Variants in SLIT3 observed in about 807,000 individuals in gnomAD.
SLIT3 encodes slit homolog 3 protein.
Under a neutral mutation model 184.0 loss-of-function variants are expected in SLIT3, and 68 were observed. That is an observed-to-expected ratio of 0.37 (90% CI 0.30 to 0.45). The LOEUF (loss-of-function observed/expected upper bound fraction) is 0.45, where lower values mean the gene tolerates loss of function less well. SLIT3 is among the 20% of genes least tolerant of loss of function. The probability of loss-of-function intolerance (pLI) is 1.00; values close to 1 mark genes in which losing one functional copy is unlikely to be tolerated. For synonymous variants in SLIT3, 831 were observed against 828.6 expected (o/e 1.00, Z -0.05); for missense variants, 1,707 against 2,026.0 (o/e 0.84, Z 3.02).
chr5:168,994,478 T>C (rs1755441136), intron 4 of SLIT3, among the ~76,000 whole-genome samples: 1 of 151,966 alleles, frequency 6.6e-6, no homozygotes, highest in African/African-American at 2.4e-5. Context: ...CCCCTCTTAC[T>C]CCCAACCAAA....
At chr5:168,840,111 G>A (rs1173497462) in intron 6 of SLIT3, among the ~76,000 whole-genome samples, 2 of 152,200 alleles carry the variant, frequency 1.3e-5, no homozygotes, top group African/African-American at 2.4e-5. Flanking sequence ...ATAAATGGGA[G>A]TGAGAGCTTC....
chr5:168,830,311 C>T (rs1757838838), intron 6 of SLIT3, among the ~76,000 whole-genome samples: 1 of 152,132 alleles, frequency 6.6e-6, no homozygotes, highest in African/African-American at 2.4e-5. Flanking sequence ...AGTGAAACTC[C>T]CTTTACTGTT....
chr5:169,199,030 A>T (rs1191117316), intron 3 of SLIT3, among the ~76,000 whole-genome samples: 1 of 151,652 alleles, frequency 6.6e-6, no homozygotes, highest in Non-Finnish European at 1.5e-5. Context: ...ACACACACAC[A>T]TACATACATA....
At chr5:168,798,214 C>CTTTTT (rs1561938769) in intron 9 of SLIT3, among the ~76,000 whole-genome samples, 5 of 84,652 alleles carry the variant, frequency 5.9e-5, no homozygotes, top group Non-Finnish European at 1.1e-4. Flanking sequence ...TTCTTTTCTT[C>CTTTTT]TTCTTCTTCT....
At chr5:168,988,166 G>A in intron 4 of SLIT3, among the ~76,000 whole-genome samples, 1 of 152,232 alleles carries the variant, frequency 6.6e-6, no homozygotes, top group South Asian at 2.1e-4. Flanking sequence ...CATTTTGTCT[G>A]AGACTTTCTG....
chr5:169,099,258 C>T (rs1759914735), intron 4 of SLIT3, among the ~76,000 whole-genome samples: 1 of 152,126 alleles, frequency 6.6e-6, no homozygotes, highest in African/African-American at 2.4e-5. Flanking sequence ...GATTTGCAGG[C>T]ACAGAAGCCC....
intron 4 of SLIT3, among the ~76,000 whole-genome samples, chr5:168,979,637 TG>T (rs1754883791): frequency 6.6e-6 from 1 of 152,138 alleles, no homozygotes; most frequent in Non-Finnish European, 1.5e-5. Context: ...GCCTGGAGAA[TG>T]GGGTGTGTGT....
chr5:168,870,331 C>G (rs1759470208), intron 5 of SLIT3, among the ~76,000 whole-genome samples: 1 of 152,236 alleles, frequency 6.6e-6, no homozygotes, highest in Admixed American at 6.5e-5. Flanking sequence ...GCCAGTTAAA[C>G]TTTGCCCTGC....
intron 4 of SLIT3, among the ~76,000 whole-genome samples, chr5:168,893,678 C>A (rs1006565702): frequency 1.3e-5 from 2 of 152,054 alleles, no homozygotes; most frequent in African/African-American, 4.8e-5. Context: ...CATTCCCATG[C>A]CAAAAAGCTT....
rs1295227391 is a variant in SLIT3, at chr5:168,664,775, G to A, written c.*1679C>T. On this transcript the variant is annotated 3_prime_UTR_variant, in exon 36 of 36. Transcript: ENST00000519560. Reference sequence around the variant, plus strand: ...TGAACAGCTGAGCCCTGGAAGATATGTGGCTAACCTGATGGGGTGGAAGGG... The same window carrying A: ...TGAACAGCTGAGCCCTGGAAGATATATGGCTAACCTGATGGGGTGGAAGGG... 1 of 152,270 alleles carries A rather than the reference G, an allele frequency of 6.6e-6. No homozygotes were observed. Among genetic ancestry groups the A allele is most frequent in the Admixed American group, 6.5e-5 (1 of 15,268 alleles). The allele number at this position is 152,270 out of a possible 1,614,324, so 9.4% of individuals were successfully genotyped here. A position where few individuals can be genotyped will look rare whatever the true frequency, so the allele number is the denominator to read the frequency against.
chr5:168,896,685 G>A (rs528422642), intron 4 of SLIT3, among the ~76,000 whole-genome samples: 19 of 152,328 alleles, frequency 1.2e-4, no homozygotes, highest in African/African-American at 4.1e-4. Flanking sequence ...CAGCCCCTAC[G>A]AGGCTGGTTG....
In SLIT3 at chr5:168,753,923, C is replaced by T. The variant is rs1335307345; in HGVS notation, c.1770G>A (p.Gly590=). Residue 590 remains glycine (G), a synonymous_variant, in exon 17 of 36, where the codon GGG becomes GGA. Transcript: ENST00000519560. ...GCCCGTGCACGGTCTCCAGCTGGTTCCCTGTCAGCATCAGCTCCTGCACGC... is the reference window on the plus strand; with the variant it reads ...GCCCGTGCACGGTCTCCAGCTGGTTTCCTGTCAGCATCAGCTCCTGCACGC... The part of the protein sequence containing the change: ...AASVQELMLT[G]NQLETVHGRV... 123 of 1,612,154 alleles carry T rather than the reference C, an allele frequency of 7.6e-5. No individual in the cohort carries two copies. Among genetic ancestry groups the T allele is most frequent in the Non-Finnish European group, 1.0e-4 (120 of 1,180,008 alleles).
At chr5:169,104,463 A>T (rs887035533) in intron 4 of SLIT3, among the ~76,000 whole-genome samples, 17 of 152,346 alleles carry the variant, frequency 1.1e-4, no homozygotes, top group African/African-American at 4.1e-4. Flanking sequence ...TCAAAATGAA[A>T]AGGCTTTAAA....
At chr5:169,167,629 G>GA (rs1554103798) in intron 4 of SLIT3, among the ~76,000 whole-genome samples, 1 of 152,052 alleles carries the variant, frequency 6.6e-6, no homozygotes, top group Non-Finnish European at 1.5e-5. Context: ...TCCTGGGAGC[G>GA]AAGTACTATG....
At chr5:168,765,469 G>A (rs928559299) in intron 14 of SLIT3, among the ~76,000 whole-genome samples, 5 of 152,052 alleles carry the variant, frequency 3.3e-5, no homozygotes, top group East Asian at 1.9e-4. Flanking sequence ...TAATAACGGC[G>A]TATGTACATA....
At chr5:168,793,640 G>A (rs1405593642) in intron 10 of SLIT3, among the ~76,000 whole-genome samples, 1 of 152,216 alleles carries the variant, frequency 6.6e-6, no homozygotes, top group African/African-American at 2.4e-5. Flanking sequence ...AGAAGGAACA[G>A]TAAAACATAG....
chr5:169,204,395 T>A (rs1025406458), intron 3 of SLIT3, among the ~76,000 whole-genome samples: 5 of 152,050 alleles, frequency 3.3e-5, no homozygotes, highest in African/African-American at 1.2e-4. Flanking sequence ...TGTTGAGACG[T>A]CCAAAATAAA....
chr5:168,778,939 C>T (rs1382397104), intron 12 of SLIT3, among the ~76,000 whole-genome samples: 3 of 152,174 alleles, frequency 2.0e-5, no homozygotes, highest in Admixed American at 6.5e-5. Flanking sequence ...TTTGGGGCCA[C>T]CTGCTCCAGA....
intron 1 of SLIT3, among the ~76,000 whole-genome samples, chr5:169,259,738 A>G (rs1232970169): frequency 6.6e-6 from 1 of 152,190 alleles, no homozygotes; most frequent in Non-Finnish European, 1.5e-5. Flanking sequence ...AGGCTGAACT[A>G]CATGACCTAT....
Sources: gnomAD v4.1 joint callset for allele counts (sites outside exome capture counted in the v4.1 genomes callset) on GRCh38, gnomAD v4.1.1 for gene constraint, MANE v1.5 for transcripts, NCBI Gene and HGNC (gene_info 2026-07-23, HGNC 2026-07-21) for gene names.